Variants in AR observed in about 807,000 individuals in gnomAD.
AR encodes dihydrotestosterone receptor.
In AR, 8 loss-of-function variants were observed where a neutral mutation model predicts 53.9. The ratio of observed to expected loss-of-function variants is 0.15; its 90% CI spans 0.09 to 0.27. The LOEUF (loss-of-function observed/expected upper bound fraction) is 0.27, where lower values mean the gene tolerates loss of function less well. AR is among the 10% of genes least tolerant of loss of function. The pLI is 1.00. For missense variants in AR, 639 were observed against 742.5 expected (o/e 0.86, Z 1.62); for synonymous variants, 359 against 316.4 (o/e 1.13, Z -1.43).
At chrX:67,678,530 C>G (rs754147017) in intron 2 of AR, among the ~76,000 whole-genome samples, 4 of 111,640 alleles carry the variant, frequency 3.6e-5, no homozygotes, top group Admixed American at 1.9e-4. Context: ...CACATTTTCT[C>G]TTTTGTAACT....
chrX:67,582,671 A>G (rs1208942518), intron 1 of AR, among the ~76,000 whole-genome samples: 5 of 111,772 alleles, frequency 4.5e-5, no homozygotes, highest in African/African-American at 1.6e-4. Flanking sequence ...GGAATCAAAA[A>G]TAATTGTACC....
intron 1 of AR, among the ~76,000 whole-genome samples, chrX:67,612,669 A>T (rs1406368932): frequency 8.9e-6 from 1 of 112,529 alleles, no homozygotes; most frequent in Non-Finnish European, 1.9e-5. Flanking sequence ...TCAGTGAAAC[A>T]ACCGTTTAAC....
chrX:67,684,711 A>T (rs1259674875), intron 2 of AR, among the ~76,000 whole-genome samples: 1 of 112,214 alleles, frequency 8.9e-6, no homozygotes, highest in Non-Finnish European at 1.9e-5. Flanking sequence ...TGCAAGTAGC[A>T]CTTTAAGTAA....
chrX:67,584,496 A>C (rs1922438592), intron 1 of AR, among the ~76,000 whole-genome samples: 1 of 112,320 alleles, frequency 8.9e-6, no homozygotes, highest in Non-Finnish European at 1.9e-5. Flanking sequence ...ACTTGGATTC[A>C]GACAGATCTG....
At position 67,547,309 on chromosome X, in the gene AR, C is replaced by T. The variant is rs1159650731; in HGVS notation, c.1616+547C>T. On this transcript the variant is annotated intron_variant, in intron 1 of 7. Coordinates refer to ENST00000374690, the MANE Select transcript of AR (RefSeq NM_000044.6). Reference sequence around the variant, plus strand: ...GAAAGTGGTCTCTGGGTGCTGAGGTCTGCTGTGTGAAAGGGTGAACTTCTT... The same window carrying T: ...GAAAGTGGTCTCTGGGTGCTGAGGTTTGCTGTGTGAAAGGGTGAACTTCTT... Among the ~76,000 whole-genome samples the T allele has an allele frequency of 1.8e-4, 20 of 111,629 alleles. No individual in the cohort carries two copies. In the Admixed American group the frequency reaches 1.9e-3, roughly 11 times the overall value.
chrX:67,707,367 T>G (rs1472840001), intron 3 of AR, among the ~76,000 whole-genome samples: 2 of 112,331 alleles, frequency 1.8e-5, no homozygotes, highest in Non-Finnish European at 3.8e-5. Flanking sequence ...TTCTTCTTGT[T>G]GAACTGATCC....
At chrX:67,624,904 C>CAAAAAA (rs140323582) in intron 1 of AR, among the ~76,000 whole-genome samples, 908 of 18,291 alleles carry the variant, frequency 0.05, 18 homozygotes, top group African/African-American at 0.068. Flanking sequence ...GGCAATTAGG[C>CAAAAAA]AAAAAAAAAA....
chrX:67,655,916 T>C (rs763430284), intron 2 of AR, among the ~76,000 whole-genome samples: 2 of 112,401 alleles, frequency 1.8e-5, no homozygotes, highest in South Asian at 7.3e-4. Flanking sequence ...TATGTCACTG[T>C]AGAAATGCTA....
chrX:67,573,055 A>G (rs1921897060), intron 1 of AR, among the ~76,000 whole-genome samples: 1 of 111,619 alleles, frequency 9.0e-6, no homozygotes, highest in Non-Finnish European at 1.9e-5. Context: ...AATGTGATAG[A>G]TGATAATTTG....
chrX:67,601,993 C>A (rs1055957123), intron 1 of AR, among the ~76,000 whole-genome samples: 4 of 111,587 alleles, frequency 3.6e-5, no homozygotes, highest in African/African-American at 1.3e-4. Flanking sequence ...ATAGTCATAC[C>A]CATATCAAAT....
At chrX:67,605,097 C>G (rs1344343455) in intron 1 of AR, among the ~76,000 whole-genome samples, 2 of 112,447 alleles carry the variant, frequency 1.8e-5, no homozygotes, top group Admixed American at 1.9e-4. Flanking sequence ...GCCTTTTATG[C>G]TGGAATAGTT....
chrX:67,598,657 G>T (rs185339640), intron 1 of AR, among the ~76,000 whole-genome samples: 1 of 111,048 alleles, frequency 9.0e-6, no homozygotes, highest in African/African-American at 3.3e-5. Context: ...CCCATAATAA[G>T]GGTACCTATT....
chrX:67,705,202 T>TGG (rs1334398689), intron 3 of AR, among the ~76,000 whole-genome samples: 1 of 111,759 alleles, frequency 8.9e-6, no homozygotes, highest in Non-Finnish European at 1.9e-5. Context: ...GATAGCTTGA[T>TGG]GGGGATGGCA....
rs747236606 is a variant in AR at position 67,661,111 on chromosome X, G to A, written c.1768+17704G>A. The stretch of plus-strand genomic sequence containing the variant: ...TTGCTTATCAGCTTAAGGAGATTTT[G>A]GGTTGAGACGATGGGGTTTTCTAGG... On this transcript the variant is annotated intron_variant, in intron 2 of 7. Coordinates refer to ENST00000374690, the MANE Select transcript of AR (RefSeq NM_000044.6). Among the ~76,000 whole-genome samples the A allele has an allele frequency of 2.7e-5, 3 of 111,627 alleles. No homozygotes were observed. The South Asian group carries it at 1.1e-3, about 43-fold the overall frequency.
chrX:67,634,567 G>T (rs745628213), intron 1 of AR, among the ~76,000 whole-genome samples: 31 of 111,972 alleles, frequency 2.8e-4, no homozygotes, highest in Admixed American at 2.8e-3. Context: ...TTCAACTAAA[G>T]AATTTATTAA....
At chrX:67,658,145 G>A (rs1475524302) in intron 2 of AR, among the ~76,000 whole-genome samples, 6 of 111,927 alleles carry the variant, frequency 5.4e-5, no homozygotes, top group African/African-American at 1.9e-4. Flanking sequence ...CTGTCAGTAT[G>A]TCCATTAGCA....
In AR at chrX:67,730,173, A is replaced by G. The variant is rs1569318583; in HGVS notation, c.*6332A>G. 2.4e-5 allele frequency: 2 copies of G among 82,132 alleles called. No individual in the cohort carries two copies. The highest frequency in any genetic ancestry group is 7.0e-4 in the Admixed American group (2 of 2,864). The allele number at this position is 82,132 out of a possible 1,213,427, so 6.8% of individuals were successfully genotyped here. A position where few individuals can be genotyped will look rare whatever the true frequency, so the allele number is the denominator to read the frequency against. On this transcript the variant is annotated 3_prime_UTR_variant, in exon 8 of 8. Transcript: ENST00000374690. ...AATTAATTTTCAATATTGAAGGAAAAAAGAAATAAGAAGAGAGAGAGAAAG... is the reference window on the plus strand; with the variant it reads ...AATTAATTTTCAATATTGAAGGAAAGAAGAAATAAGAAGAGAGAGAGAAAG...
intron 1 of AR, among the ~76,000 whole-genome samples, chrX:67,642,334 T>A (rs1436872146): frequency 1.8e-5 from 2 of 111,799 alleles, no homozygotes; most frequent in African/African-American, 6.5e-5. Context: ...AAACTTGAAT[T>A]TTTTACTATA....
At position 67,704,948 on chromosome X, in the gene AR, A is replaced by G. The variant is rs766208030; in HGVS notation, c.1886-6454A>G. Among the ~76,000 whole-genome samples, 3 of 111,916 alleles carry G rather than the reference A, an allele frequency of 2.7e-5. No individual in the cohort carries two copies. In the South Asian group the frequency reaches 1.1e-3, roughly 42 times the overall value. On this transcript the variant is annotated intron_variant, in intron 3 of 7. Transcript: ENST00000374690. ...TTTTGTCAGGTTTGTCAAAGATCAG[A>G]TGGTTGTAGATACGCAGCATTATTT...
Sources: allele counts gnomAD v4.1 joint callset (sites outside exome capture counted in the v4.1 genomes callset), GRCh38; gene constraint gnomAD v4.1.1; transcripts MANE v1.5; gene names NCBI Gene and HGNC (gene_info 2026-07-23, HGNC 2026-07-21).